The following DAB1 variants were observed in gnomAD, a reference collection of about 807,000 sequenced individuals.
DAB1 encodes DAB adaptor protein 1.
DAB1 carries 15 observed loss-of-function variants against 64.6 expected under a neutral mutation model. The ratio of observed to expected loss-of-function variants is 0.23; its 90% confidence interval spans 0.16 to 0.36. DAB1 has a LOEUF of 0.36. Among genes scored for constraint, DAB1 ranks in the 10% least tolerant of loss-of-function variants. The pLI, the probability that DAB1 is intolerant of heterozygous loss-of-function variation, is 1.00. For synonymous variants in DAB1, 235 were observed against 251.9 expected, an observed-to-expected ratio of 0.93 and a Z score of 0.64; for missense variants, 596 against 706.7, an observed-to-expected ratio of 0.84 and a Z score of 1.78.
intron 7 of DAB1, among the ~76,000 whole-genome samples, chr1:57,532,772 T>C (rs1476702103): frequency 6.6e-6 from 1 of 152,188 alleles, no homozygotes; most frequent in Admixed American, 6.5e-5. Flanking sequence ...CAGTCCACCT[T>C]GTAGAATTGT....
chr1:58,495,983 G>A (rs1275977291), intron 3 of DAB1, among the ~76,000 whole-genome samples: 1 of 151,774 alleles, frequency 6.6e-6, no homozygotes, highest in East Asian at 1.9e-4. Flanking sequence ...GTCATTTCAG[G>A]GCTTCCCATG....
chr1:57,380,256 C>T (rs1260327603), intron 1 of DAB1, among the ~76,000 whole-genome samples: 1 of 152,152 alleles, frequency 6.6e-6, no homozygotes, highest in Non-Finnish European at 1.5e-5. Flanking sequence ...CTGATCTAAA[C>T]TAGGCTCTCT....
chr1:58,145,156 A>G (rs1045706552), intron 5 of DAB1, among the ~76,000 whole-genome samples: 3 of 152,258 alleles, frequency 2.0e-5, no homozygotes, highest in Non-Finnish European at 2.9e-5. Context: ...TCACATGCCA[A>G]GGAATATCCA....
chr1:57,387,114 T>G (rs1681933116), intron 1 of DAB1: 1 of 152,180 alleles, frequency 6.6e-6, no homozygotes, highest in Non-Finnish European at 1.5e-5. Flanking sequence ...GGGTTTGGAT[T>G]CAGTTCCCTC....
chr1:57,187,115 T>G (rs1663643418), intron 2 of DAB1, among the ~76,000 whole-genome samples: 1 of 152,210 alleles, frequency 6.6e-6, no homozygotes, highest in Non-Finnish European at 1.5e-5. Context: ...ACACACATAC[T>G]TCAAATGAAG....
At chr1:57,176,315 G>A (rs1251800972) in intron 2 of DAB1, among the ~76,000 whole-genome samples, 1 of 152,140 alleles carries the variant, frequency 6.6e-6, no homozygotes, top group East Asian at 1.9e-4. Flanking sequence ...AGGCCTCACA[G>A]TCATGATGGA....
At chr1:57,108,297 G>C (rs888972108) in intron 4 of DAB1, among the ~76,000 whole-genome samples, 1 of 152,114 alleles carries the variant, frequency 6.6e-6, no homozygotes, top group East Asian at 1.9e-4. Context: ...ATTCTTATAA[G>C]TCAATCTCAC....
At position 58,011,882 on chromosome 1, in the gene DAB1, G is replaced by C. The variant is rs894567932; in HGVS notation, n.388-127720C>G. ...ATTTTTGTATTTTTAGTAGAGACAG[G>C]GTTTTGCTATGTTGGCTAGGCTGAT... is the stretch of plus-strand genomic sequence containing the variant. On this transcript the variant is annotated intron_variant and non_coding_transcript_variant, in intron 5 of 20. Transcript: ENST00000485760. Among the ~76,000 whole-genome samples the C allele has an allele frequency of 2.0e-5, 3 of 152,042 alleles. No homozygotes were observed. In the East Asian group the frequency reaches 5.8e-4, roughly 29 times the overall value.
intron 4 of DAB1, 132 bp downstream of exon 4, chr1:57,136,411 G>GT: frequency 2.2e-6 from 1 of 452,392 alleles, no homozygotes. Flanking sequence ...GATGATCAGA[G>GT]TTGATCAAGT....
intron 4 of DAB1, among the ~76,000 whole-genome samples, chr1:58,293,766 G>A (rs1661903545): frequency 6.6e-6 from 1 of 152,196 alleles, no homozygotes; most frequent in Non-Finnish European, 1.5e-5. Context: ...TTGTTGAACT[G>A]TCTCATTTTC....
chr1:57,760,193 G>A (rs1000193334), intron 6 of DAB1, among the ~76,000 whole-genome samples: 4 of 152,040 alleles, frequency 2.6e-5, no homozygotes, highest in Admixed American at 6.6e-5. Context: ...CTTATGCACA[G>A]GAACAACATG....
chr1:57,594,005 G>A lies in DAB1; in HGVS notation n.625+55587C>T, dbSNP rs1286419427. Among the ~76,000 whole-genome samples, 2 of 152,146 alleles carry A rather than the reference G, an allele frequency of 1.3e-5. 1 individual carries two copies. Among genetic ancestry groups the A allele is most frequent in the Non-Finnish European group, 2.9e-5 (2 of 68,032 alleles). On this transcript the variant is annotated intron_variant and non_coding_transcript_variant, in intron 7 of 20. Coordinates refer to the DAB1 transcript ENST00000485760. ...TTGTATGCCTTGCCTATGATGGATA[G>A]GAAGGATGAATACCATGAACTACTC...
At chr1:57,807,398 G>A (rs940841647) in intron 6 of DAB1, among the ~76,000 whole-genome samples, 10 of 152,146 alleles carry the variant, frequency 6.6e-5, no homozygotes, top group Admixed American at 1.3e-4. Flanking sequence ...ATGCAGCCTA[G>A]GCCAGTATCA....
intron 1 of DAB1, among the ~76,000 whole-genome samples, chr1:57,832,112 T>G (rs1428785875): frequency 6.6e-6 from 1 of 152,186 alleles, no homozygotes; most frequent in East Asian, 1.9e-4. Flanking sequence ...CATATGTATA[T>G]ATAAGATCAA....
At chr1:57,144,673 G>A (rs1422976245) in intron 3 of DAB1, among the ~76,000 whole-genome samples, 8 of 146,714 alleles carry the variant, frequency 5.5e-5, no homozygotes, top group African/African-American at 7.6e-5. Context: ...CAGCCTAGGC[G>A]ATAGAGTGAG....
At chr1:58,357,948 T>G (rs61778962) in intron 3 of DAB1, among the ~76,000 whole-genome samples, 16,062 of 152,178 alleles carry the variant, frequency 0.11, 912 homozygotes, top group African/African-American at 0.15. Context: ...GCAGTGGTGT[T>G]CAACAGTTTT....
intron 4 of DAB1, among the ~76,000 whole-genome samples, chr1:58,315,811 A>T (rs557772936): frequency 6.6e-6 from 1 of 152,314 alleles, no homozygotes; most frequent in African/African-American, 2.4e-5. Flanking sequence ...CATCACTGTG[A>T]ACTGGCTTAT....
At chr1:58,367,229 C>A (rs1456145506) in intron 3 of DAB1, among the ~76,000 whole-genome samples, 1 of 152,170 alleles carries the variant, frequency 6.6e-6, no homozygotes. Context: ...AAGAGTGGGT[C>A]AACTTCACAT....
intron 5 of DAB1, among the ~76,000 whole-genome samples, chr1:58,044,419 C>A (rs1021758699): frequency 6.6e-6 from 1 of 151,926 alleles, no homozygotes; most frequent in East Asian, 1.9e-4. Flanking sequence ...GTCTGAATAT[C>A]ATTTTTTCGC....
Sources: allele counts gnomAD v4.1 joint callset (sites outside exome capture counted in the v4.1 genomes callset), GRCh38; gene constraint gnomAD v4.1.1; transcripts MANE v1.5; gene names NCBI Gene and HGNC (gene_info 2026-07-23, HGNC 2026-07-21).